The following NPHP3 variants were observed in gnomAD, a reference collection of about 807,000 sequenced individuals.
NPHP3 encodes nephrocystin 3, also known as nephrocystin-3.
NPHP3 carries 123 observed loss-of-function variants against 171.9 expected under a neutral mutation model. The ratio of observed to expected loss-of-function variants is 0.72; its 90% CI spans 0.62 to 0.83. NPHP3 has a LOEUF of 0.83. Ranked by LOEUF, NPHP3 falls within the 40% of genes least tolerant of loss-of-function variation. The pLI is 0.00. For synonymous variants in NPHP3, 558 were observed against 579.2 expected (o/e 0.96, Z 0.52); for missense variants, 1,506 against 1,591.9 (o/e 0.95, Z 0.92).
At position 132,680,697 on chromosome 3, in the gene NPHP3, A is replaced by G. The variant is rs886057994; in HGVS notation, c.*1213T>C. On this transcript the variant is annotated 3_prime_UTR_variant, in exon 27 of 27. Transcript: ENST00000337331. ...CAATCAATACATGTTAGGATCTTAC[A>G]AGTATTAAATTGATGATTTTATTAT... 4 of 152,232 alleles carry G rather than the reference A, an allele frequency of 2.6e-5. No homozygotes were observed. The highest frequency in any genetic ancestry group is 9.6e-5 in the African/African-American group (4 of 41,462). The allele number at this position is 152,232 out of a possible 1,614,324, so 9.4% of individuals were successfully genotyped here.
In NPHP3 at chr3:132,681,852, C is replaced by G. The variant is rs1172557524; in HGVS notation, c.*58G>C. On this transcript the variant is annotated 3_prime_UTR_variant, in exon 27 of 27. Transcript: ENST00000337331. ...TTTTAAAGTTTCAAATTCAAATGTT[C>G]CAAATGTTTAATTATTTTGTCTTAA... is the stretch of plus-strand genomic sequence containing the variant. 4 of 1,472,130 alleles carry G rather than the reference C, an allele frequency of 2.7e-6. No homozygotes were observed. Among genetic ancestry groups the G allele is most frequent in the Non-Finnish European group, 2.9e-6 (3 of 1,051,970 alleles). The allele number at this position is 1,472,130 out of a possible 1,614,324, so 91.2% of individuals were successfully genotyped here.
chr3:132,699,398 C>T lies in NPHP3; in HGVS notation c.1940G>A (p.Arg647Lys). The part of the protein sequence containing the change: ...WLIDPLPVNV[R>K]VIVSVNVETC... Reference sequence around the variant, plus strand: ...TTCTACATTCACAGAAACAATTACTCTTACATTCACTGGCAGTGGATCTAT... The same window carrying T: ...TTCTACATTCACAGAAACAATTACTTTTACATTCACTGGCAGTGGATCTAT... The change falls in exon 13 of 27, where the codon AGA becomes AAA. Residue 647 changes from arginine to lysine, a missense_variant. By Grantham distance (26) the Arg-to-Lys change is conservative (BLOSUM62 2). Around this residue, in one of 3 missense-constraint regions of NPHP3, gnomAD observed 930 missense variants for 924.9 expected, o/e 1.01. Coordinates refer to ENST00000337331, the MANE Select transcript of NPHP3 (RefSeq NM_153240.5). 6.2e-7 allele frequency: 1 copy of T among 1,612,844 alleles called. No individual in the cohort carries two copies. The highest frequency in any genetic ancestry group is 8.5e-7 in the Non-Finnish European group (1 of 1,179,866).
intron 26 of NPHP3, 34 bp downstream of exon 26, chr3:132,682,669 G>T (rs371173250): frequency 7.8e-6 from 9 of 1,150,808 alleles, no homozygotes; most frequent in Middle Eastern, 1.9e-4. Context: ...TCGAATAAAA[G>T]AGGCTGTATA....
chr3:132,710,262 G>A (rs537541244), intron 6 of NPHP3, among the ~76,000 whole-genome samples: 1 of 151,976 alleles, frequency 6.6e-6, no homozygotes, highest in South Asian at 2.1e-4. Context: ...TAAAGCTGAG[G>A]CATAATGAAG....
chr3:132,688,594 C>T, intron 21 of NPHP3, 56 bp downstream of exon 21: 1 of 1,588,540 alleles, frequency 6.3e-7, no homozygotes, highest in South Asian at 1.1e-5. Context: ...TATAAGTACA[C>T]TAAAACTGTA....
Position 132,684,812 on chromosome 3 carries a change from A to G in NPHP3, c.3330-18T>C, listed in dbSNP as rs1476177804. ...CAGCTGTTCTGTGAACACAATCCCA[A>G]AATGGCTTAAACTATCTATTTTCTA... On this transcript the variant is annotated intron_variant, in intron 23 of 26. Transcript: ENST00000337331. The G allele has an allele frequency of 1.9e-6, 3 of 1,611,082 alleles. No individual in the cohort carries two copies. Among genetic ancestry groups the G allele is most frequent in the Non-Finnish European group, 2.5e-6 (3 of 1,179,886 alleles).
rs553665584 is a variant in NPHP3, at chr3:132,686,363, G to A, written c.3226C>T (p.Arg1076Trp). The A allele has an allele frequency of 1.7e-4, 267 of 1,613,990 alleles. 2 individuals carry two copies. The South Asian group carries it at 2.6e-3, about 16-fold the overall frequency. ...NLYGFALLRR[R>W]ALQLEELTLG... ...GTAAGCTCTTCTAACTGTAAAGCCC[G>A]TCTACGTAAAAGGGCAAATCCGTAC... The change falls in exon 23 of 27, where the codon CGG becomes TGG. Residue 1076 changes from arginine to tryptophan, a missense_variant. By Grantham distance (101) the Arg-to-Trp change is moderately radical. Transcript: ENST00000337331.
chr3:132,695,079 A>G, intron 15 of NPHP3, 114 bp from the exon 16 acceptor site: 3 of 960,964 alleles, frequency 3.1e-6, no homozygotes, highest in Non-Finnish European at 5.0e-6. Context: ...CCAATAACAA[A>G]TTCAATAAAA....
At chr3:132,721,279 G>A (rs1940208790) in intron 1 of NPHP3, among the ~76,000 whole-genome samples, 2 of 152,196 alleles carry the variant, frequency 1.3e-5, no homozygotes, top group African/African-American at 4.8e-5. Flanking sequence ...TGCAATAATT[G>A]CTTTTAGCGT....
At chr3:132,690,427 C>G (rs1939269837) in intron 19 of NPHP3, 101 bp downstream of exon 19, 1 of 1,132,420 alleles carries the variant, frequency 8.8e-7, no homozygotes, top group Non-Finnish European at 1.3e-6. Context: ...ATTTCAGATA[C>G]TTAGACTAAT....
rs764997924 is a variant in NPHP3, at chr3:132,722,243, G to T, written c.113C>A (p.Ala38Asp). Residue 38 changes from alanine (A) to aspartate (D), a missense_variant, in exon 1 of 27, where the codon GCC becomes GAC. Ala to Asp is a moderately radical substitution (Grantham distance 126). This residue lies in a region of NPHP3 where 930 missense variants were observed against 924.9 expected (regional missense o/e 1.01). Transcript: ENST00000337331. ...CEIPVEVKPK[A>D]RLLRNSFRRG... ...GCGGAACGAGTTGCGCAGCAGGCGGGCCTTGGGCTTCACCTCCACCGGGAT... is the reference window on the plus strand; with the variant it reads ...GCGGAACGAGTTGCGCAGCAGGCGGTCCTTGGGCTTCACCTCCACCGGGAT... 9 of 1,567,708 alleles carry T rather than the reference G, an allele frequency of 5.7e-6. No individual in the cohort carries two copies. The highest frequency in any genetic ancestry group is 6.9e-6 in the Non-Finnish European group (8 of 1,166,648).
chr3:132,700,160 A>G lies in NPHP3; in HGVS notation c.1744-99T>C, dbSNP rs73863708. ...TATTTCTATTCTTACTTTTTTATAA[A>G]CCAAAATCAAGTCACCAAGAGGACC... On this transcript the variant is annotated intron_variant, in intron 11 of 26. Coordinates refer to ENST00000337331, the MANE Select transcript of NPHP3 (RefSeq NM_153240.5). The G allele has an allele frequency of 3.2e-3, 4,769 of 1,474,236 alleles. 117 individuals are homozygous for G. In the African/African-American group the frequency reaches 0.058, roughly 18 times the overall value. The allele number at this position is 1,474,236 out of a possible 1,614,324, so 91.3% of individuals were successfully genotyped here.
intron 24 of NPHP3, among the ~76,000 whole-genome samples, chr3:132,683,765 C>G (rs1330110959): frequency 6.6e-6 from 1 of 152,134 alleles, no homozygotes; most frequent in South Asian, 2.1e-4. Context: ...ATTACTGTTT[C>G]TAGTGTAGTA....
Position 132,694,861 on chromosome 3 carries a change from A to T in NPHP3, c.2276T>A (p.Met759Lys). 1 of 1,613,708 alleles carries T rather than the reference A, an allele frequency of 6.2e-7. No individual in the cohort carries two copies. Among genetic ancestry groups the T allele is most frequent in the Non-Finnish European group, 8.5e-7 (1 of 1,179,920 alleles). ...RLVLHSIRES[M>K]ANDVDKELMK... Reference sequence around the variant, plus strand: ...TAGCTCTTTATCCACATCATTTGCCATGGACTCCCGGATAGAGTGCAGAAC... The same window carrying T: ...TAGCTCTTTATCCACATCATTTGCCTTGGACTCCCGGATAGAGTGCAGAAC... Residue 759 changes from methionine to lysine, a missense_variant, in exon 16 of 27, where the codon ATG (methionine) becomes AAG (lysine). By Grantham distance (95) the Met-to-Lys change is moderately conservative. Coordinates refer to ENST00000337331, the MANE Select transcript of NPHP3 (RefSeq NM_153240.5).
In NPHP3 at chr3:132,719,781, A is replaced by G. The variant is rs1441245124; in HGVS notation, c.443T>C (p.Leu148Ser). The change falls in exon 2 of 27, where the codon TTA (leucine) becomes TCA (serine). Residue 148 changes from leucine to serine, a missense_variant. Physicochemically the swap from Leu to Ser is moderately radical, Grantham distance 145. This residue lies in a region of NPHP3 where 930 missense variants were observed against 924.9 expected (regional missense o/e 1.01). Coordinates refer to ENST00000337331, the MANE Select transcript of NPHP3 (RefSeq NM_153240.5). ...QKILREKESA[L>S]EAKYQAMERA... The stretch of plus-strand genomic sequence containing the variant: ...CTCCATTGCTTGGTATTTCGCTTCT[A>G]AAGCACTTTCTTTTTCTCGAAGTAT... The G allele has an allele frequency of 6.2e-7, 1 of 1,602,392 alleles. No homozygotes were observed. The highest frequency in any genetic ancestry group is 8.5e-7 in the Non-Finnish European group (1 of 1,172,668).
At chr3:132,692,579 G>T in intron 17 of NPHP3, 75 bp downstream of exon 17, 1 of 1,278,750 alleles carries the variant, frequency 7.8e-7, no homozygotes, top group Non-Finnish European at 1.1e-6. Flanking sequence ...TCTTGCCACT[G>T]CACTCCAGCC....
chr3:132,720,986 C>G (rs145172899), intron 1 of NPHP3, among the ~76,000 whole-genome samples: 1 of 151,984 alleles, frequency 6.6e-6, no homozygotes, highest in Non-Finnish European at 1.5e-5. Flanking sequence ...GGTGCAATCT[C>G]GGCTCACTGC....
rs2108002751 is a variant in NPHP3, at chr3:132,719,012, T to C, written c.652A>G (p.Asn218Asp). The change falls in exon 3 of 27, where the codon AAC (asparagine) becomes GAC (aspartate). Residue 218 changes from asparagine (N) to aspartate (D), a missense_variant. This residue lies in a region of NPHP3 where 930 missense variants were observed against 924.9 expected (regional missense o/e 1.01). Coordinates refer to ENST00000337331, the MANE Select transcript of NPHP3 (RefSeq NM_153240.5). ...FDPGESDSDD[N>D]CTDVTAAGTQ... The stretch of plus-strand genomic sequence containing the variant: ...CACTTACCAGTGACATCTGTACAGT[T>C]GTCATCTGAATCAGACTCCCCAGGA... 3 of 1,614,142 alleles carry C rather than the reference T, an allele frequency of 1.9e-6. No homozygotes were observed. Among genetic ancestry groups the C allele is most frequent in the Non-Finnish European group, 2.5e-6 (3 of 1,180,016 alleles).
At chr3:132,719,280 G>A (rs901754190) in intron 2 of NPHP3, 136 bp from the exon 3 acceptor site, 8 of 705,706 alleles carry the variant, frequency 1.1e-5, no homozygotes, top group African/African-American at 5.4e-5. Context: ...TAGGGTGAAT[G>A]TCCTAGTACC....
Sources: gnomAD v4.1 joint callset for allele counts (sites outside exome capture counted in the v4.1 genomes callset) on GRCh38, gnomAD v4.1.1 for gene constraint, gnomAD v4.1.1 regional missense constraint, MANE v1.5 for transcripts, NCBI Gene and HGNC (gene_info 2026-07-23, HGNC 2026-07-21) for gene names.